Variants in SDK1 observed in about 807,000 individuals in gnomAD.
SDK1 encodes protein sidekick-1.
Under a neutral mutation model 245.5 loss-of-function variants are expected in SDK1, and 157 were observed. The observed-to-expected ratio is 0.64, with a 90% CI of 0.56 to 0.73. The LOEUF is 0.73. Ranked by LOEUF, SDK1 falls within the 30% of genes least tolerant of loss-of-function variation. The pLI, the probability that SDK1 is intolerant of heterozygous loss-of-function variation, is 0.00. For synonymous variants in SDK1, 1,647 were observed against 1,278.5 expected, an observed-to-expected ratio of 1.29 and a Z score of -6.15; for missense variants, 3,583 against 3,002.3, an observed-to-expected ratio of 1.19 and a Z score of -4.52.
chr7:3,801,634 T>G (rs117745121), intron 4 of SDK1, among the ~76,000 whole-genome samples: 1,795 of 152,318 alleles, frequency 0.012, 16 homozygotes, highest in Non-Finnish European at 0.02. Context: ...TCCTTCTCAT[T>G]GATAAGGACC....
At chr7:3,525,104 T>C (rs1003201975) in intron 1 of SDK1, among the ~76,000 whole-genome samples, 5 of 152,134 alleles carry the variant, frequency 3.3e-5, no homozygotes, top group Admixed American at 3.3e-4. Context: ...CCAGTGATGA[T>C]TGGAAGTGTA....
intron 4 of SDK1, among the ~76,000 whole-genome samples, chr7:3,697,850 T>C (rs367912318): frequency 2.6e-5 from 4 of 152,178 alleles, no homozygotes; most frequent in African/African-American, 9.7e-5. Context: ...ACTCGCACTT[T>C]CAGAAAGATG....
Position 4,268,688 on chromosome 7 carries a change from C to T in SDK1, c.*3304C>T, listed in dbSNP as rs531023498. The stretch of plus-strand genomic sequence containing the variant: ...ATTCTTGGCACACAGTGTAGCTATC[C>T]TCCTGACGAGCAACCCGTCTGCGTA... On this transcript the variant is annotated 3_prime_UTR_variant, in exon 45 of 45. Transcript: ENST00000404826. 1 of 1,367,836 alleles carries T rather than the reference C, an allele frequency of 7.3e-7. No homozygotes were observed. Among genetic ancestry groups the T allele is most frequent in the Non-Finnish European group, 9.8e-7 (1 of 1,021,978 alleles). The allele number at this position is 1,367,836 out of a possible 1,614,324, so 84.7% of individuals were successfully genotyped here.
chr7:3,381,002 T>C (rs1318318566), intron 1 of SDK1, among the ~76,000 whole-genome samples: 3 of 152,130 alleles, frequency 2.0e-5, no homozygotes, highest in Non-Finnish European at 2.9e-5. Context: ...CAGAGTTCTG[T>C]TAATAAATAA....
At chr7:3,585,904 C>G (rs556178167) in intron 1 of SDK1, among the ~76,000 whole-genome samples, 5 of 152,128 alleles carry the variant, frequency 3.3e-5, no homozygotes, top group Non-Finnish European at 5.9e-5. Flanking sequence ...AGACTGACAT[C>G]TCAGGGCCTC....
intron 35 of SDK1, among the ~76,000 whole-genome samples, chr7:4,198,561 A>C (rs1364508064): frequency 6.6e-6 from 1 of 152,020 alleles, no homozygotes. Context: ...ACACCGCCAC[A>C]CCCGTGCATG....
chr7:4,161,803 G>A lies in SDK1; in HGVS notation c.4747G>A (p.Gly1583Arg). Residue 1583 changes from glycine (G) to arginine (R), a missense_variant, in exon 32 of 45, where the codon GGA (glycine) becomes AGA (arginine). Physicochemically the swap from Gly to Arg is moderately radical, Grantham distance 125. Transcript: ENST00000404826. The part of the protein sequence containing the change: ...TLQDVPGEPP[G>R]SVSATPHTTS... ...TGTTTCAGTTCCAGGAGAGCCCCCGGGATCTGTCTCAGCGACGCCACACAC... is the reference window on the plus strand; with the variant it reads ...TGTTTCAGTTCCAGGAGAGCCCCCGAGATCTGTCTCAGCGACGCCACACAC... 1 of 1,614,124 alleles carries A rather than the reference G, an allele frequency of 6.2e-7. No homozygotes were observed. Among genetic ancestry groups the A allele is most frequent in the Non-Finnish European group, 8.5e-7 (1 of 1,179,972 alleles).
intron 1 of SDK1, among the ~76,000 whole-genome samples, chr7:3,340,795 C>T (rs1207763554): frequency 6.7e-6 from 1 of 149,402 alleles, no homozygotes; most frequent in Non-Finnish European, 1.5e-5. Flanking sequence ...ATCTATGAAG[C>T]ACAATAAAGT....
chr7:4,185,410 G>T (rs1782829887), intron 35 of SDK1, among the ~76,000 whole-genome samples: 1 of 152,144 alleles, frequency 6.6e-6, no homozygotes, highest in Non-Finnish European at 1.5e-5. Context: ...GGTTAAGCCT[G>T]CACTCCTGCC....
At chr7:3,391,172 A>G (rs931014360) in intron 1 of SDK1, among the ~76,000 whole-genome samples, 4 of 152,156 alleles carry the variant, frequency 2.6e-5, no homozygotes, top group South Asian at 2.1e-4. Flanking sequence ...AAGGAAGGTT[A>G]CATAAAGTGG....
At chr7:4,143,982 G>A (rs576748414) in intron 28 of SDK1, among the ~76,000 whole-genome samples, 12 of 152,300 alleles carry the variant, frequency 7.9e-5, no homozygotes, top group African/African-American at 2.9e-4. Context: ...AGTGCGGGGC[G>A]GCCAGGAGCC....
rs575852402 is a variant in SDK1, at chr7:4,175,125, C to T, written c.4937-650C>T. Among the ~76,000 whole-genome samples, 12 of 152,328 alleles carry T rather than the reference C, an allele frequency of 7.9e-5. No homozygotes were observed. The South Asian group carries it at 1.9e-3, about 24-fold the overall frequency. On this transcript the variant is annotated intron_variant, in intron 33 of 44. Coordinates refer to ENST00000404826, the MANE Select transcript of SDK1 (RefSeq NM_152744.4). ...CGCGGGGCCTTCCACGCACCCAGTG[C>T]GCGGACGGCAGCAGCTCCTATGCTC...
chr7:3,754,894 C>T (rs1308606500), intron 4 of SDK1, among the ~76,000 whole-genome samples: 1 of 152,174 alleles, frequency 6.6e-6, no homozygotes, highest in Non-Finnish European at 1.5e-5. Context: ...CCTTCACCAG[C>T]TTCCCTTCTA....
At chr7:3,645,498 T>A (rs371923169) in intron 4 of SDK1, among the ~76,000 whole-genome samples, 4 of 152,226 alleles carry the variant, frequency 2.6e-5, no homozygotes, top group African/African-American at 9.6e-5. Context: ...CAAAGACATA[T>A]AGCTTTCACA....
At chr7:3,947,987 T>A (rs887017918) in intron 5 of SDK1, among the ~76,000 whole-genome samples, 4 of 152,218 alleles carry the variant, frequency 2.6e-5, no homozygotes, top group African/African-American at 9.6e-5. Flanking sequence ...TTAATTTATG[T>A]GCACATATGA....
chr7:4,100,452 G>A (rs753614388), intron 22 of SDK1, among the ~76,000 whole-genome samples: 47 of 151,950 alleles, frequency 3.1e-4, no homozygotes, highest in Non-Finnish European at 5.2e-4. Flanking sequence ...GGCACCAGGC[G>A]CTGTGGACTG....
intron 1 of SDK1, among the ~76,000 whole-genome samples, chr7:3,546,172 C>T (rs1266022535): frequency 6.6e-6 from 1 of 152,150 alleles, no homozygotes; most frequent in East Asian, 1.9e-4. Flanking sequence ...TGGGGTGGGG[C>T]CTGGGAGTCA....
intron 17 of SDK1, among the ~76,000 whole-genome samples, chr7:4,020,241 G>T (rs1242553279): frequency 6.6e-6 from 1 of 152,124 alleles, no homozygotes; most frequent in Non-Finnish European, 1.5e-5. Context: ...GGACGTGGCT[G>T]GGGTCAGGCA....
At chr7:3,478,440 A>G (rs1030536025) in intron 1 of SDK1, among the ~76,000 whole-genome samples, 1 of 152,094 alleles carries the variant, frequency 6.6e-6, no homozygotes, top group Non-Finnish European at 1.5e-5. Context: ...GAACATAACT[A>G]TGGTAATTAT....
Sources: allele counts gnomAD v4.1 joint callset (sites outside exome capture counted in the v4.1 genomes callset), GRCh38; gene constraint gnomAD v4.1.1; transcripts MANE v1.5; gene names NCBI Gene and HGNC (gene_info 2026-07-23, HGNC 2026-07-21).